ZSWIM5: variants seen among roughly 807,000 people sequenced by gnomAD.
ZSWIM5 encodes zinc finger SWIM-type containing 5.
ZSWIM5 carries 55 observed loss-of-function variants against 119.6 expected under a neutral mutation model. The ratio of observed to expected loss-of-function variants is 0.46; its 90% CI spans 0.37 to 0.58. The LOEUF is 0.58. Among genes scored for constraint, ZSWIM5 ranks in the 20% least tolerant of loss-of-function variants. The pLI, the probability that ZSWIM5 is intolerant of heterozygous loss-of-function variation, is 0.00. For synonymous variants in ZSWIM5, 537 were observed against 606.9 expected, an observed-to-expected ratio of 0.88 and a Z score of 1.69; for missense variants, 1,193 against 1,512.8, an observed-to-expected ratio of 0.79 and a Z score of 3.51.
chr1:45,117,516 T>TA (rs1361940660), intron 1 of ZSWIM5, among the ~76,000 whole-genome samples: 2 of 151,902 alleles, frequency 1.3e-5, no homozygotes, highest in Non-Finnish European at 2.9e-5. Context: ...CTACTAAAAA[T>TA]AAAAAAATTA....
At chr1:45,047,478 C>G (rs183309923) in intron 5 of ZSWIM5, among the ~76,000 whole-genome samples, 59 of 152,134 alleles carry the variant, frequency 3.9e-4, no homozygotes, top group Middle Eastern at 3.4e-3. Flanking sequence ...CAGAGAGGCA[C>G]GTGGAGTCAT....
intron 1 of ZSWIM5, among the ~76,000 whole-genome samples, chr1:45,179,482 T>C (rs1255037151): frequency 6.6e-6 from 1 of 152,110 alleles, no homozygotes; most frequent in Non-Finnish European, 1.5e-5. Context: ...AAAAAATACC[T>C]ATTGGGTACT....
chr1:45,051,855 G>C (rs1645090135), intron 4 of ZSWIM5, among the ~76,000 whole-genome samples: 1 of 152,120 alleles, frequency 6.6e-6, no homozygotes, highest in Admixed American at 6.5e-5. Flanking sequence ...AGAATTTAAT[G>C]AGATAACCTT....
At chr1:45,035,552 ATT>A in intron 10 of ZSWIM5, 134 bp downstream of exon 10, 1 of 1,153,718 alleles carries the variant, frequency 8.7e-7, no homozygotes, top group Non-Finnish European at 1.2e-6. Flanking sequence ...TATCTGAGCC[ATT>A]TTAAGGTACA....
At chr1:45,055,870 T>C (rs1371310286) in intron 4 of ZSWIM5, among the ~76,000 whole-genome samples, 1 of 152,210 alleles carries the variant, frequency 6.6e-6, no homozygotes, top group Non-Finnish European at 1.5e-5. Flanking sequence ...GGCTCGTGCC[T>C]GTAATCCCAG....
chr1:45,196,315 GT>G (rs994066727), intron 1 of ZSWIM5, among the ~76,000 whole-genome samples: 1 of 132,588 alleles, frequency 7.5e-6, no homozygotes, highest in African/African-American at 2.8e-5. Context: ...GCCAGGTACT[GT>G]TTTTTTGGTT....
In ZSWIM5 at chr1:45,088,437, T is replaced by G. The variant is rs1645344633; in HGVS notation, c.596-200A>C. ...GAAACACACAATATAGAAAGAGTCC[T>G]CACCCTGGAGTTCGTGAACCTCCTG... On this transcript the variant is annotated intron_variant, in intron 1 of 13. Coordinates refer to ENST00000359600, the MANE Select transcript of ZSWIM5 (RefSeq NM_020883.2). This position sits in a 1 kb window ranked among gnomAD's most constrained non-coding sequence, Gnocchi z 4.2. Among the ~76,000 whole-genome samples the G allele has an allele frequency of 6.6e-6, 1 of 152,196 alleles. No individual in the cohort carries two copies. Among genetic ancestry groups the G allele is most frequent in the Non-Finnish European group, 1.5e-5 (1 of 68,034 alleles).
chr1:45,183,266 T>C (rs1646033964), intron 1 of ZSWIM5, among the ~76,000 whole-genome samples: 1 of 150,586 alleles, frequency 6.6e-6, no homozygotes, highest in African/African-American at 2.4e-5. Flanking sequence ...GAGGGAAATT[T>C]ATAGCACTAA....
intron 3 of ZSWIM5, among the ~76,000 whole-genome samples, chr1:45,059,861 A>G (rs1272629118): frequency 1.3e-5 from 2 of 152,286 alleles, no homozygotes; most frequent in East Asian, 3.9e-4. Flanking sequence ...ATGCCCCAGC[A>G]ATACTAACTC....
intron 1 of ZSWIM5, among the ~76,000 whole-genome samples, chr1:45,161,735 T>C (rs1483138221): frequency 6.6e-6 from 1 of 152,200 alleles, no homozygotes; most frequent in African/African-American, 2.4e-5. Flanking sequence ...CTTTTTACCA[T>C]GAACTAGAAT....
Position 45,205,897 on chromosome 1 carries a change from C to G in ZSWIM5, c.454G>C (p.Ala152Pro). ...GCCCCAGCCGCGACGCCCCCGGGGGCGGAGCCGGCCGGAGCGGCGGCCCCG... is the reference window on the plus strand; with the variant it reads ...GCCCCAGCCGCGACGCCCCCGGGGGGGGAGCCGGCCGGAGCGGCGGCCCCG... ...PPGAAAPAGS[A>P]PGGVAAGASP... Residue 152 changes from alanine (A) to proline (P), a missense_variant, in exon 1 of 14, where the codon GCC becomes CCC. Coordinates refer to ENST00000359600, the MANE Select transcript of ZSWIM5 (RefSeq NM_020883.2). 9.6e-7 allele frequency: 1 copy of G among 1,038,052 alleles called. No homozygotes were observed. Among genetic ancestry groups the G allele is most frequent in the South Asian group, 4.4e-5 (1 of 22,696 alleles). The allele number at this position is 1,038,052 out of a possible 1,614,324, so 64.3% of individuals were successfully genotyped here.
chr1:45,175,798 T>C (rs1427039545), intron 1 of ZSWIM5, among the ~76,000 whole-genome samples: 2 of 151,968 alleles, frequency 1.3e-5, no homozygotes, highest in African/African-American at 4.8e-5. Context: ...GGGTTTCTAT[T>C]TCATTCAATG....
chr1:45,044,201 A>AG (rs1260098723), intron 5 of ZSWIM5, among the ~76,000 whole-genome samples: 13 of 64,656 alleles, frequency 2.0e-4, no homozygotes, highest in Admixed American at 5.5e-4. Flanking sequence ...AAAAAAAAAA[A>AG]AAGAGAGAGA....
rs934827666 is a variant in ZSWIM5, at chr1:45,070,266, T to G, written c.953-10019A>C. ...AGTCACAGAACCAACACTTGGAGGT[T>G]CAACAATAACATCATAAATTATTCC... is the stretch of plus-strand genomic sequence containing the variant. On this transcript the variant is annotated intron_variant, in intron 2 of 13. Transcript: ENST00000359600. 24 of 1,469,134 alleles carry G rather than the reference T, an allele frequency of 1.6e-5. No individual in the cohort carries two copies. The Admixed American group carries it at 4.0e-4, about 25-fold the overall frequency. The allele number at this position is 1,469,134 out of a possible 1,614,324, so 91.0% of individuals were successfully genotyped here. A position where few individuals can be genotyped will look rare whatever the true frequency, so the allele number is the denominator to read the frequency against.
At chr1:45,141,006 C>CA (rs1243462320) in intron 1 of ZSWIM5, among the ~76,000 whole-genome samples, 2 of 152,084 alleles carry the variant, frequency 1.3e-5, no homozygotes, top group Non-Finnish European at 2.9e-5. Flanking sequence ...AAAAGCCTCT[C>CA]AAAGGGTGGG....
At chr1:45,125,557 C>T (rs753256666) in intron 1 of ZSWIM5, among the ~76,000 whole-genome samples, 3 of 151,662 alleles carry the variant, frequency 2.0e-5, no homozygotes, top group Admixed American at 6.6e-5. Context: ...GGGGGAATCA[C>T]GAGGTCAGGA....
At chr1:45,028,531 C>G (rs7512216) in intron 11 of ZSWIM5, among the ~76,000 whole-genome samples, 150,886 of 152,252 alleles carry the variant, frequency 0.99, 74,781 homozygotes, top group Middle Eastern at 1. Context: ...TGAGGTGAGT[C>G]GATCACCTGA....
At chr1:45,179,983 C>T (rs984774448) in intron 1 of ZSWIM5, among the ~76,000 whole-genome samples, 1 of 152,150 alleles carries the variant, frequency 6.6e-6, no homozygotes, top group Non-Finnish European at 1.5e-5. Context: ...CAGCTCTGGT[C>T]TACAGCTCCC....
chr1:45,205,834 AGCCGGCCGC>A lies in ZSWIM5; in HGVS notation c.508_516del (p.Ala170_Gly172del), dbSNP rs1646185411. On this transcript the variant is annotated inframe_deletion, in exon 1 of 14. Transcript: ENST00000359600. ...CGGAACGGGAGCCCCTCGCCACCGC[AGCCGGCCGC>A]GCCGGCCCCTGCGCCCAGCCCGGGG... is the stretch of plus-strand genomic sequence containing the variant. 4 of 1,496,756 alleles carry A rather than the reference AGCCGGCCGC, an allele frequency of 2.7e-6. No homozygotes were observed. The highest frequency in any genetic ancestry group is 2.7e-6 in the Non-Finnish European group (3 of 1,123,504). 92.7% of individuals were successfully genotyped at this position (1,496,756 alleles called of 1,614,324 possible).
Sources: allele counts gnomAD v4.1 joint callset (sites outside exome capture counted in the v4.1 genomes callset), GRCh38; gene constraint gnomAD v4.1.1; non-coding constraint Gnocchi (gnomAD v3.1); transcripts MANE v1.5; gene names NCBI Gene and HGNC (gene_info 2026-07-23, HGNC 2026-07-21).